UBE2N: variants seen among roughly 807,000 people sequenced by gnomAD.
The protein encoded by UBE2N is ubiquitin-conjugating enzyme E2 N.
For missense variants in UBE2N, 60 were observed against 192.1 expected, an observed-to-expected ratio of 0.31 and a Z score of 4.07; for synonymous variants, 70 against 69.2, an observed-to-expected ratio of 1.01 and a Z score of -0.06.
At chr12:93,423,760 G>A (rs1878489525) in intron 1 of UBE2N, among the ~76,000 whole-genome samples, 2 of 152,128 alleles carry the variant, frequency 1.3e-5, no homozygotes, top group Admixed American at 6.5e-5. Flanking sequence ...AGAATGAGTT[G>A]AATCTTATTG....
intron 1 of UBE2N, among the ~76,000 whole-genome samples, chr12:93,428,808 A>T (rs1379440095): frequency 6.6e-6 from 1 of 152,244 alleles, no homozygotes; most frequent in Non-Finnish European, 1.5e-5. Context: ...CCTTGCCAAT[A>T]CATCAGCAGC....
chr12:93,417,646 G>C (rs959333542), intron 1 of UBE2N, among the ~76,000 whole-genome samples: 3 of 152,088 alleles, frequency 2.0e-5, no homozygotes, highest in Non-Finnish European at 4.4e-5. Context: ...AGATCTTTTA[G>C]CTCATCTCAA....
chr12:93,414,444 G>A lies in UBE2N; in HGVS notation c.31-3145C>T, dbSNP rs559041630. 7.9e-4 allele frequency among the ~76,000 whole-genome samples: 87 copies of A among 109,834 alleles called. 1 individual carries two copies. In the East Asian group the frequency reaches 0.022, roughly 27 times the overall value. The allele number at this position is 109,834 out of a possible 152,430, so 72.1% of individuals were successfully genotyped here. On this transcript the variant is annotated intron_variant, in intron 1 of 3. Transcript: ENST00000318066. ...AGCCTAGGCAAAAGAGCGAAGCTCCGTCTCAAAAAAAAAAAAAAAAAAAAA... is the reference window on the plus strand; with the variant it reads ...AGCCTAGGCAAAAGAGCGAAGCTCCATCTCAAAAAAAAAAAAAAAAAAAAA...
At chr12:93,425,338 C>T (rs1340424664) in intron 1 of UBE2N, among the ~76,000 whole-genome samples, 1 of 152,124 alleles carries the variant, frequency 6.6e-6, no homozygotes, top group Non-Finnish European at 1.5e-5. Context: ...AGCCATAAAA[C>T]ATTATTTTAG....
chr12:93,430,362 T>C (rs1466860483), intron 1 of UBE2N, among the ~76,000 whole-genome samples: 2 of 152,152 alleles, frequency 1.3e-5, no homozygotes, highest in Non-Finnish European at 1.5e-5. Context: ...GGTGCATTTC[T>C]CAGAAAGTAA....
chr12:93,418,893 G>A (rs1265759247), intron 1 of UBE2N, among the ~76,000 whole-genome samples: 1 of 152,050 alleles, frequency 6.6e-6, no homozygotes, highest in African/African-American at 2.4e-5. Context: ...TGTAGCACAT[G>A]TTAATTTAAA....
At position 93,410,994 on chromosome 12, in the gene UBE2N, G is replaced by C. The variant is rs768313987; in HGVS notation, c.277+59C>G. The C allele has an allele frequency of 2.1e-5, 34 of 1,613,420 alleles. No homozygotes were observed. The Middle Eastern group carries it at 9.9e-4, about 47-fold the overall frequency. On this transcript the variant is annotated intron_variant, in intron 2 of 3. Coordinates refer to ENST00000318066, the MANE Select transcript of UBE2N (RefSeq NM_003348.4). ...AATGTTTACATTCTAAACATGGAAT[G>C]CTTAAGAGAAAAAGGAGAAAGCTTA...
intron 1 of UBE2N, among the ~76,000 whole-genome samples, chr12:93,427,586 CA>C (rs1196084110): frequency 6.6e-6 from 1 of 151,972 alleles, no homozygotes; most frequent in African/African-American, 2.4e-5. Context: ...AAATGGTTGC[CA>C]GGGGTTGAAG....
At chr12:93,432,430 T>C (rs1878797261) in intron 1 of UBE2N, among the ~76,000 whole-genome samples, 1 of 150,462 alleles carries the variant, frequency 6.6e-6, no homozygotes, top group South Asian at 2.1e-4. Context: ...AACCACTTTG[T>C]CCCTGCCTCA....
chr12:93,414,777 C>T (rs73366054), intron 1 of UBE2N, among the ~76,000 whole-genome samples: 6,301 of 152,212 alleles, frequency 0.041, 449 homozygotes, highest in African/African-American at 0.14. Flanking sequence ...CCTGCACACT[C>T]CCTATCCCCA....
At chr12:93,427,403 A>T (rs1263047117) in intron 1 of UBE2N, among the ~76,000 whole-genome samples, 1 of 152,238 alleles carries the variant, frequency 6.6e-6, no homozygotes, top group Non-Finnish European at 1.5e-5. Flanking sequence ...TATTTAGAAA[A>T]CACTTCAGGT....
At chr12:93,434,262 A>C (rs1440578821) in intron 1 of UBE2N, among the ~76,000 whole-genome samples, 2 of 152,360 alleles carry the variant, frequency 1.3e-5, no homozygotes, top group African/African-American at 4.8e-5. Flanking sequence ...ACTGCACTCC[A>C]GCCTGGCGAC....
chr12:93,412,612 T>C (rs1419773275), intron 1 of UBE2N, among the ~76,000 whole-genome samples: 1 of 152,228 alleles, frequency 6.6e-6, no homozygotes, highest in African/African-American at 2.4e-5. Flanking sequence ...GGGTCATTTA[T>C]AACCTGACGC....
chr12:93,413,974 C>T (rs138495339), intron 1 of UBE2N, among the ~76,000 whole-genome samples: 11,969 of 151,506 alleles, frequency 0.079, 1,304 homozygotes, highest in African/African-American at 0.27. Flanking sequence ...CCAGCCTGAT[C>T]AACATGGAGA....
chr12:93,419,129 G>A (rs555813285), intron 1 of UBE2N, among the ~76,000 whole-genome samples: 1 of 152,318 alleles, frequency 6.6e-6, no homozygotes, highest in Admixed American at 6.5e-5. Context: ...GCCGGGCGTG[G>A]TGTCTCATGC....
intron 1 of UBE2N, among the ~76,000 whole-genome samples, chr12:93,419,643 T>C (rs1380719697): frequency 6.6e-6 from 1 of 152,202 alleles, no homozygotes. Flanking sequence ...CATCTACTTA[T>C]TTCACCACCT....
chr12:93,427,455 T>C (rs1029447285), intron 1 of UBE2N, among the ~76,000 whole-genome samples: 1 of 152,228 alleles, frequency 6.6e-6, no homozygotes, highest in African/African-American at 2.4e-5. Context: ...CATGCTACAA[T>C]ATACATGAAC....
chr12:93,438,748 AGG>A lies in UBE2N; in HGVS notation c.30+3105_30+3106del, dbSNP rs1313857823. 7.2e-5 allele frequency among the ~76,000 whole-genome samples: 11 copies of A among 152,262 alleles called. No individual in the cohort carries two copies. The East Asian group carries it at 2.1e-3, about 29-fold the overall frequency. ...GGAAGTGAACAGAGGTTTGAAAGAC[AGG>A]GGGGAAAGTGTCTGATTTAGTACAT... On this transcript the variant is annotated intron_variant, in intron 1 of 3. Transcript: ENST00000318066.
chr12:93,438,372 T>C (rs1049968606), intron 1 of UBE2N, among the ~76,000 whole-genome samples: 1 of 152,046 alleles, frequency 6.6e-6, no homozygotes, highest in Non-Finnish European at 1.5e-5. Flanking sequence ...GGGTATGACA[T>C]ATGAGCTAAG....
Sources: allele counts gnomAD v4.1 joint callset (sites outside exome capture counted in the v4.1 genomes callset), GRCh38; gene constraint gnomAD v4.1.1; transcripts MANE v1.5; gene names NCBI Gene and HGNC (gene_info 2026-07-23, HGNC 2026-07-21).